MANBA: variants seen among roughly 807,000 people sequenced by gnomAD.
MANBA encodes mannosidase beta.
MANBA carries 83 observed loss-of-function variants against 111.1 expected under a neutral mutation model. The observed-to-expected ratio is 0.75, with a 90% CI of 0.63 to 0.90. The LOEUF is 0.90. MANBA is among the 40% of genes least tolerant of loss of function. The pLI, the probability that MANBA is intolerant of heterozygous loss-of-function variation, is 0.00. For missense variants in MANBA, 1,036 were observed against 1,069.0 expected (o/e 0.97, Z 0.43); for synonymous variants, 370 against 378.7 (o/e 0.98, Z 0.27).
chr4:102,654,647 G>A (rs1304227532), intron 12 of MANBA, among the ~76,000 whole-genome samples: 1 of 152,150 alleles, frequency 6.6e-6, no homozygotes, highest in African/African-American at 2.4e-5. Context: ...ATTCTTTCAT[G>A]ATATAAGCAC....
intron 4 of MANBA, among the ~76,000 whole-genome samples, chr4:102,721,329 CATAAATAA>C (rs57059616): frequency 1.3e-4 from 19 of 151,012 alleles, no homozygotes; most frequent in Non-Finnish European, 2.4e-4. Flanking sequence ...ATCTCAAATA[CATAAATAA>C]ATAAATAAAT....
At chr4:102,728,507 C>T (rs759132696) in intron 1 of MANBA, 1 of 379,296 alleles carries the variant, frequency 2.6e-6, no homozygotes, top group African/African-American at 2.1e-5. Flanking sequence ...AAACAGGTAA[C>T]TATAAGGTTA....
intron 13 of MANBA, among the ~76,000 whole-genome samples, chr4:102,640,241 C>T (rs1729820969): frequency 6.6e-6 from 1 of 152,002 alleles, no homozygotes; most frequent in South Asian, 2.1e-4. Context: ...TTTGCTAATA[C>T]CTTCATAGCT....
chr4:102,720,736 T>C (rs1722532828), intron 4 of MANBA, among the ~76,000 whole-genome samples: 1 of 152,156 alleles, frequency 6.6e-6, no homozygotes, highest in South Asian at 2.1e-4. Context: ...AAATATTCCA[T>C]GGAATACTTG....
rs141711115 is a variant in MANBA at position 102,691,855 on chromosome 4, T to C, written c.674-1084A>G. On this transcript the variant is annotated intron_variant, in intron 5 of 16. Transcript: ENST00000647097. ...TGGTATCTAGCTGAGACCAGAAGGA[T>C]GCCTCAGCTAAGTACAGAGGAAGAT... is the stretch of plus-strand genomic sequence containing the variant. Among the ~76,000 whole-genome samples, 414 of 152,232 alleles carry C rather than the reference T, an allele frequency of 2.7e-3. 3 individuals carry two copies. Among genetic ancestry groups the C allele is most frequent in the African/African-American group, 9.2e-3 (382 of 41,536 alleles).
intron 7 of MANBA, among the ~76,000 whole-genome samples, chr4:102,685,613 CT>C (rs1159342471): frequency 6.6e-6 from 1 of 152,110 alleles, no homozygotes; most frequent in African/African-American, 2.4e-5. Context: ...CTTTCTAACT[CT>C]TTTTAGTCTT....
intron 11 of MANBA, among the ~76,000 whole-genome samples, chr4:102,659,664 C>A (rs540550711): frequency 6.6e-6 from 1 of 152,158 alleles, no homozygotes; most frequent in African/African-American, 2.4e-5. Context: ...TCCTCTCATT[C>A]CTAAACCCCT....
At position 102,755,657 on chromosome 4, in the gene MANBA, A is replaced by C. The variant is rs549626997; in HGVS notation, c.177+5061T>G. Reference sequence around the variant, plus strand: ...AAACTAGAGAGCTTCTGCACAGCAAAAGAAACTACCATCAGAGTGAACAGG... The same window carrying C: ...AAACTAGAGAGCTTCTGCACAGCAACAGAAACTACCATCAGAGTGAACAGG... On this transcript the variant is annotated intron_variant, in intron 1 of 16. Coordinates refer to ENST00000647097, the MANE Select transcript of MANBA (RefSeq NM_005908.4). Among the ~76,000 whole-genome samples the C allele has an allele frequency of 4.6e-5, 7 of 152,380 alleles. No individual in the cohort carries two copies. The South Asian group carries it at 1.0e-3, about 23-fold the overall frequency.
intron 5 of MANBA, among the ~76,000 whole-genome samples, chr4:102,698,414 G>C (rs1186473001): frequency 6.7e-6 from 1 of 149,750 alleles, no homozygotes; most frequent in African/African-American, 2.5e-5. Flanking sequence ...TGGTGTTTTA[G>C]ACATGAAGTC....
chr4:102,633,104 T>G (rs2866409), intron 16 of MANBA: 208,121 of 395,246 alleles, frequency 0.53, 55,814 homozygotes, highest in Admixed American at 0.64. Flanking sequence ...CATATTTGTG[T>G]AATATGTTAT....
intron 1 of MANBA, among the ~76,000 whole-genome samples, chr4:102,741,455 A>T (rs1417721082): frequency 6.6e-6 from 1 of 152,206 alleles, no homozygotes; most frequent in African/African-American, 2.4e-5. Flanking sequence ...TCAGAGGAAA[A>T]GAAGTGATAA....
At chr4:102,659,030 T>C (rs1204393340) in intron 11 of MANBA, 1 of 152,072 alleles carries the variant, frequency 6.6e-6, no homozygotes, top group Non-Finnish European at 1.5e-5. Flanking sequence ...TTTTCCACAC[T>C]GCAGAGGGAG....
chr4:102,664,656 A>G (rs752634250), intron 11 of MANBA, 29 bp downstream of exon 11: 1 of 1,586,440 alleles, frequency 6.3e-7, no homozygotes. Flanking sequence ...ACATTCTTAA[A>G]TTCTACTGCA....
At chr4:102,733,098 C>A (rs542671379) in intron 1 of MANBA, among the ~76,000 whole-genome samples, 1 of 152,270 alleles carries the variant, frequency 6.6e-6, no homozygotes, top group Non-Finnish European at 1.5e-5. Flanking sequence ...AGAGGCCAAT[C>A]TGAAAAACCT....
Position 102,714,448 on chromosome 4 carries a change from G to A in MANBA, c.663C>T (p.Ser221=), listed in dbSNP as rs1722234398. The change falls in exon 5 of 17, where the codon TCC becomes TCT. Residue 221 remains serine, a synonymous_variant. Coordinates refer to ENST00000647097, the MANE Select transcript of MANBA (RefSeq NM_005908.4). ...NICHLNYFTF[S]PIYDKSAQEW... ...CATCTTTCAGCTTACCATATATTGG[G>A]GAAAATGTGAAGTAGTTCAGGTGAC... The A allele has an allele frequency of 1.2e-6, 2 of 1,605,186 alleles. No homozygotes were observed. Among genetic ancestry groups the A allele is most frequent in the South Asian group, 2.2e-5 (2 of 90,866 alleles).
At chr4:102,698,286 T>C (rs1270130495) in intron 5 of MANBA, among the ~76,000 whole-genome samples, 2 of 152,014 alleles carry the variant, frequency 1.3e-5, no homozygotes, top group East Asian at 3.8e-4. Context: ...GTTGTGAAAA[T>C]TTTCTCCCAT....
chr4:102,732,246 G>GA (rs1185524506), intron 1 of MANBA, among the ~76,000 whole-genome samples: 1 of 152,182 alleles, frequency 6.6e-6, no homozygotes. Context: ...GAATACTCAA[G>GA]ACAGGAGGCA....
intron 7 of MANBA, among the ~76,000 whole-genome samples, chr4:102,685,040 C>T (rs1732149443): frequency 6.6e-6 from 1 of 152,102 alleles, no homozygotes; most frequent in Non-Finnish European, 1.5e-5. Context: ...AAAATACATG[C>T]TATATGGTTC....
chr4:102,670,154 C>CAATA (rs1731427283), intron 9 of MANBA, among the ~76,000 whole-genome samples: 1 of 107,940 alleles, frequency 9.3e-6, no homozygotes, highest in African/African-American at 4.2e-5. Flanking sequence ...GACTCCATAT[C>CAATA]AAAAAAAAAA....
Sources: gnomAD v4.1 joint callset for allele counts (sites outside exome capture counted in the v4.1 genomes callset) on GRCh38, gnomAD v4.1.1 for gene constraint, MANE v1.5 for transcripts, NCBI Gene and HGNC (gene_info 2026-07-23, HGNC 2026-07-21) for gene names.